LUZP1: variants seen among roughly 807,000 people sequenced by gnomAD.
LUZP1 encodes the protein filamin mechanobinding actin cross-linking protein.
LUZP1 carries 25 observed loss-of-function variants against 71.3 expected under a neutral mutation model. The ratio of observed to expected loss-of-function variants is 0.35; its 90% confidence interval spans 0.26 to 0.49. LUZP1 has a LOEUF of 0.49. Ranked by LOEUF, LUZP1 falls within the 20% of genes least tolerant of loss-of-function variation. LUZP1 has a pLI of 0.99. For synonymous variants in LUZP1, 481 were observed against 506.4 expected, an observed-to-expected ratio of 0.95 and a Z score of 0.67; for missense variants, 1,142 against 1,300.8, an observed-to-expected ratio of 0.88 and a Z score of 1.88.
In LUZP1 at chr1:23,093,384, T is replaced by G. The variant is rs780967298; in HGVS notation, c.878A>C (p.Gln293Pro). The G allele has an allele frequency of 6.2e-7, 1 of 1,613,748 alleles. No homozygotes were observed. Among genetic ancestry groups the G allele is most frequent in the South Asian group, 1.1e-5 (1 of 90,894 alleles). Residue 293 changes from glutamine to proline, a missense_variant, in exon 4 of 5, where the codon CAA (glutamine) becomes CCA (proline). Gln to Pro is a moderately conservative substitution (Grantham distance 76). Coordinates refer to ENST00000302291, the Ensembl canonical transcript of LUZP1. This position sits in a 1 kb window ranked among gnomAD's most constrained non-coding sequence, Gnocchi z 4.2. Reference sequence around the variant, plus strand: ...TTGTGTCTTAAGTTTCTCAATCTCTTGGTTAAGGTCTTTGACTTTGTTGTC... The same window carrying G: ...TTGTGTCTTAAGTTTCTCAATCTCTGGGTTAAGGTCTTTGACTTTGTTGTC...
chr1:23,150,128 A>G (rs1644373126), intron 2 of LUZP1, among the ~76,000 whole-genome samples: 1 of 152,116 alleles, frequency 6.6e-6, no homozygotes, highest in African/African-American at 2.4e-5. Context: ...GATGGAAGAG[A>G]GAAAGATAAC....
At chr1:23,096,845 C>T (rs1643894798) in intron 3 of LUZP1, among the ~76,000 whole-genome samples, 1 of 152,084 alleles carries the variant, frequency 6.6e-6, no homozygotes. Flanking sequence ...TGGTGGTGCA[C>T]ACCTATAATC....
chr1:23,163,356 G>A (rs538745943), intron 2 of LUZP1, among the ~76,000 whole-genome samples: 2 of 150,946 alleles, frequency 1.3e-5, no homozygotes, highest in South Asian at 4.2e-4. Context: ...AGACCAGCCT[G>A]GGCAACAAAG....
intron 2 of LUZP1, among the ~76,000 whole-genome samples, chr1:23,138,495 T>C (rs1251568303): frequency 1.3e-5 from 2 of 152,130 alleles, no homozygotes; most frequent in Non-Finnish European, 2.9e-5. Flanking sequence ...GGGGCTAGAA[T>C]AGCAGAGAAC....
intron 2 of LUZP1, among the ~76,000 whole-genome samples, chr1:23,111,050 A>G (rs1644026947): frequency 6.6e-6 from 1 of 151,996 alleles, no homozygotes; most frequent in Non-Finnish European, 1.5e-5. Flanking sequence ...AAATACAAAA[A>G]TTAGCTGGGC....
chr1:23,090,628 G>A (rs1334098347), intron 4 of LUZP1: 6 of 555,732 alleles, frequency 1.1e-5, no homozygotes, highest in African/African-American at 5.6e-5. Context: ...TGTCTGGGGG[G>A]CAAAAGAAAG....
rs66618384 is a variant in LUZP1, at chr1:23,096,130, G to GA, written c.-119-1751dup. Among the ~76,000 whole-genome samples the GA allele has an allele frequency of 2.5e-3, 338 of 134,410 alleles. 2 individuals are homozygous for GA. Among genetic ancestry groups the GA allele is most frequent in the East Asian group, 0.011 (51 of 4,628 alleles). The allele number at this position is 134,410 out of a possible 152,430, so 88.2% of individuals were successfully genotyped here. On this transcript the variant is annotated intron_variant, in intron 3 of 4. Coordinates refer to ENST00000302291, the Ensembl canonical transcript of LUZP1. The stretch of plus-strand genomic sequence containing the variant: ...TGTTTAAAGTCATAAAAGAAGGAAT[G>GA]AAAAAAAAAAAAAACAGGAGAAAGG...
At chr1:23,143,619 GCTAA>G (rs762725692) in intron 2 of LUZP1, among the ~76,000 whole-genome samples, 42 of 152,086 alleles carry the variant, frequency 2.8e-4, no homozygotes, top group Admixed American at 7.9e-4. Context: ...TTTGCGCCAG[GCTAA>G]CTGTTTACCA....
chr1:23,106,255 G>A (rs997268155), intron 3 of LUZP1, among the ~76,000 whole-genome samples: 4 of 152,144 alleles, frequency 2.6e-5, no homozygotes, highest in African/African-American at 9.7e-5. Flanking sequence ...TCACTGTCAA[G>A]TTTCCAATGA....
intron 2 of LUZP1, among the ~76,000 whole-genome samples, chr1:23,158,524 G>A (rs1049489157): frequency 2.6e-5 from 4 of 151,924 alleles, no homozygotes; most frequent in African/African-American, 9.7e-5. Flanking sequence ...GCAGGCGCCT[G>A]TAATCCCAGC....
intron 2 of LUZP1, chr1:23,141,152 C>T (rs3897243): frequency 6.6e-6 from 1 of 152,330 alleles, no homozygotes; most frequent in African/African-American, 2.4e-5. Context: ...TGACAACTAG[C>T]CCTCAGCCTG....
At chr1:23,123,084 A>C (rs1179633408) in intron 2 of LUZP1, among the ~76,000 whole-genome samples, 4 of 152,248 alleles carry the variant, frequency 2.6e-5, no homozygotes, top group Non-Finnish European at 5.9e-5. Flanking sequence ...AGAATACAGC[A>C]TAAGGACAAA....
intron 2 of LUZP1, among the ~76,000 whole-genome samples, chr1:23,137,050 T>G (rs1323381889): frequency 6.6e-6 from 1 of 152,212 alleles, no homozygotes; most frequent in Non-Finnish European, 1.5e-5. Flanking sequence ...CAACATATGC[T>G]CTGTCAGAAC....
Position 23,093,175 on chromosome 1 carries a change from C to T in LUZP1, c.1087G>A (p.Ala363Thr), listed in dbSNP as rs1643873510. ...TGTCTGCCTTTGCTGGACAGGAAAG[C>T]ATCTTCCCCTTCTACCTCTCCATTT... The change falls in exon 4 of 5, where the codon GCT becomes ACT. Residue 363 changes from alanine to threonine, a missense_variant. Physicochemically the swap from Ala to Thr is moderately conservative, Grantham distance 58 (BLOSUM62 0). Coordinates refer to ENST00000302291, the Ensembl canonical transcript of LUZP1. This position sits in a 1 kb window ranked among gnomAD's most constrained non-coding sequence, Gnocchi z 4.2. 6.2e-7 allele frequency: 1 copy of T among 1,614,146 alleles called. No homozygotes were observed. The highest frequency in any genetic ancestry group is 1.1e-5 in the South Asian group (1 of 91,086).
At chr1:23,125,211 G>T (rs925666373) in intron 2 of LUZP1, among the ~76,000 whole-genome samples, 1 of 152,154 alleles carries the variant, frequency 6.6e-6, no homozygotes, top group Non-Finnish European at 1.5e-5. Flanking sequence ...CAACCCGACA[G>T]TATCAGTGGC....
intron 3 of LUZP1, among the ~76,000 whole-genome samples, chr1:23,098,857 C>T (rs1377407290): frequency 6.6e-6 from 1 of 152,168 alleles, no homozygotes; most frequent in East Asian, 1.9e-4. Flanking sequence ...TGCCAATTCT[C>T]TCCAAGCCTG....
chr1:23,091,879 T>C (rs1397093078), exon 4 of LUZP1: 3 of 1,614,096 alleles, frequency 1.9e-6, no homozygotes, highest in African/African-American at 2.7e-5. Flanking sequence ...ATAGTAATGC[T>C]ACTTGTCACT....
At chr1:23,134,144 T>C (rs1230509224) in intron 2 of LUZP1, among the ~76,000 whole-genome samples, 1 of 152,132 alleles carries the variant, frequency 6.6e-6, no homozygotes, top group Non-Finnish European at 1.5e-5. Flanking sequence ...AAATAGTATC[T>C]AGCTCTTTAC....
chr1:23,130,883 C>T (rs1265922032), intron 2 of LUZP1, among the ~76,000 whole-genome samples: 1 of 151,996 alleles, frequency 6.6e-6, no homozygotes, highest in Non-Finnish European at 1.5e-5. Context: ...CATTGGCCTC[C>T]TGGGTCCTCA....
Sources: gnomAD v4.1 joint callset for allele counts (sites outside exome capture counted in the v4.1 genomes callset) on GRCh38, gnomAD v4.1.1 for gene constraint, Gnocchi (gnomAD v3.1) non-coding constraint, MANE v1.5 for transcripts, NCBI Gene and HGNC (gene_info 2026-07-23, HGNC 2026-07-21) for gene names.